PLAA: variants seen among roughly 807,000 people sequenced by gnomAD.
The protein encoded by PLAA is phospholipase A2 activating protein.
A neutral mutation model predicts 84.1 loss-of-function variants in PLAA; 48 were observed. The ratio of observed to expected loss-of-function variants is 0.57; its 90% CI spans 0.45 to 0.73. The LOEUF is 0.73. Among genes scored for constraint, PLAA ranks in the 30% least tolerant of loss-of-function variants. PLAA has a pLI of 0.00. For synonymous variants in PLAA, 392 were observed against 336.6 expected, an observed-to-expected ratio of 1.16 and a Z score of -1.80; for missense variants, 903 against 954.7, an observed-to-expected ratio of 0.95 and a Z score of 0.71.
chr9:26,906,438 T>C (rs1824239121), intron 13 of PLAA, among the ~76,000 whole-genome samples: 1 of 149,192 alleles, frequency 6.7e-6, no homozygotes, highest in African/African-American at 2.5e-5. Flanking sequence ...TTTTTTTTTT[T>C]TTTTTTTTGA....
chr9:26,911,113 C>A (rs10812495), intron 11 of PLAA, among the ~76,000 whole-genome samples: 10,918 of 151,754 alleles, frequency 0.072, 1,333 homozygotes, highest in East Asian at 0.6. Flanking sequence ...AAGTTTGTTA[C>A]ATAGGTAAAT....
At chr9:26,929,724 A>G (rs1825108291) in intron 2 of PLAA, among the ~76,000 whole-genome samples, 1 of 152,176 alleles carries the variant, frequency 6.6e-6, no homozygotes, top group Non-Finnish European at 1.5e-5. Flanking sequence ...TGCTCTGATT[A>G]TCCTATTCCT....
chr9:26,940,744 A>G (rs1825507174), intron 1 of PLAA, among the ~76,000 whole-genome samples: 1 of 152,230 alleles, frequency 6.6e-6, no homozygotes, highest in South Asian at 2.1e-4. Flanking sequence ...AGGAACTAAG[A>G]TAAGAAAGAC....
At chr9:26,906,730 A>C (rs573249531) in intron 13 of PLAA, among the ~76,000 whole-genome samples, 3 of 152,210 alleles carry the variant, frequency 2.0e-5, no homozygotes, top group Admixed American at 6.5e-5. Context: ...GCCCAGCCGG[A>C]AAGTTCTTAA....
chr9:26,939,563 T>C (rs1053916222), intron 1 of PLAA, among the ~76,000 whole-genome samples: 1 of 149,534 alleles, frequency 6.7e-6, no homozygotes, highest in Non-Finnish European at 1.5e-5. Flanking sequence ...GTGATTACTT[T>C]CAATGTAAAT....
intron 6 of PLAA, among the ~76,000 whole-genome samples, 167 bp downstream of exon 6, chr9:26,925,658 C>A (rs16910895): frequency 0.2 from 30,886 of 151,482 alleles, 3,684 homozygotes; most frequent in African/African-American, 0.33. Flanking sequence ...ATCATGCATC[C>A]CTTAGTATGA....
chr9:26,921,851 T>C (rs1824772142), intron 7 of PLAA, among the ~76,000 whole-genome samples: 1 of 152,246 alleles, frequency 6.6e-6, no homozygotes, highest in East Asian at 1.9e-4. Context: ...TTACCACTAG[T>C]ATCAATACAA....
chr9:26,934,682 G>A (rs761245059), intron 2 of PLAA, among the ~76,000 whole-genome samples: 8 of 151,804 alleles, frequency 5.3e-5, no homozygotes, highest in South Asian at 4.2e-4. Context: ...GTTTTGCAAT[G>A]TTTTCCAGGC....
At chr9:26,909,472 C>T (rs544043904) in intron 12 of PLAA, among the ~76,000 whole-genome samples, 1 of 151,986 alleles carries the variant, frequency 6.6e-6, no homozygotes, top group African/African-American at 2.4e-5. Context: ...TTATGTTAAC[C>T]CAATTAATTC....
At chr9:26,914,494 C>G (rs1181621400) in intron 10 of PLAA, among the ~76,000 whole-genome samples, 2 of 151,812 alleles carry the variant, frequency 1.3e-5, no homozygotes, top group Non-Finnish European at 2.9e-5. Context: ...AGCTACTGTT[C>G]TAGCCTCTCT....
chr9:26,917,296 G>A, intron 9 of PLAA, 131 bp from the exon 10 acceptor site: 2 of 656,080 alleles, frequency 3.0e-6, no homozygotes, highest in Non-Finnish European at 5.3e-6. Context: ...ATGATAGAAT[G>A]ACAGAAACTA....
intron 11 of PLAA, among the ~76,000 whole-genome samples, chr9:26,912,617 T>C (rs1182447514): frequency 6.6e-6 from 1 of 152,220 alleles, no homozygotes; most frequent in Non-Finnish European, 1.5e-5. Flanking sequence ...GAGGGAGCAC[T>C]GTTAACCTTT....
chr9:26,903,740 C>A lies in PLAA; in HGVS notation c.*1771G>T, dbSNP rs1333064391. 6.6e-6 allele frequency among the ~76,000 whole-genome samples: 1 copy of A among 152,070 alleles called. No individual in the cohort carries two copies. Among genetic ancestry groups the A allele is most frequent in the Non-Finnish European group, 1.5e-5 (1 of 67,992 alleles). On this transcript the variant is annotated 3_prime_UTR_variant, in exon 14 of 14. Coordinates refer to ENST00000397292, the MANE Select transcript of PLAA (RefSeq NM_001031689.3). ...GCTAAGCTATATTTTGTAATCTCCA[C>A]AACAAACATGAAATAGTAAAGTTGA...
Position 26,905,666 on chromosome 9 carries a change from G to T in PLAA, c.2233C>A (p.Leu745Ile). The change falls in exon 14 of 14, where the codon CTT becomes ATT. Residue 745 changes from leucine (L) to isoleucine (I), a missense_variant. Coordinates refer to ENST00000397292, the MANE Select transcript of PLAA (RefSeq NM_001031689.3). Reference protein sequence around the residue: ...VVQDLEATFRLLVALGTLISD... With the variant: ...VVQDLEATFRILVALGTLISD... ...ATAAGTGTTCCAAGAGCCACAAGAA[G>T]TCTAAAAGTGGCTTCTAGGTCTTGT... The T allele has an allele frequency of 6.2e-7, 1 of 1,614,174 alleles. No individual in the cohort carries two copies. The highest frequency in any genetic ancestry group is 1.1e-5 in the South Asian group (1 of 91,086).
intron 13 of PLAA, among the ~76,000 whole-genome samples, chr9:26,907,344 G>A (rs12376190): frequency 0.16 from 24,411 of 151,482 alleles, 2,064 homozygotes; most frequent in South Asian, 0.25. Flanking sequence ...CCTGGCTAAC[G>A]TGGTGAAACC....
chr9:26,923,775 T>G (rs1336988003), intron 6 of PLAA, among the ~76,000 whole-genome samples: 1 of 152,200 alleles, frequency 6.6e-6, no homozygotes, highest in Non-Finnish European at 1.5e-5. Context: ...ACTATGCCAG[T>G]AACTAGCAAT....
chr9:26,920,351 T>A lies in PLAA; in HGVS notation c.1073A>T (p.Asp358Val). The change falls in exon 8 of 14, where the codon GAT becomes GTT. Residue 358 changes from aspartate to valine, a missense_variant. Transcript: ENST00000397292. Reference protein sequence around the residue: ...TREGQTRLIRDGEKVEAYQWS... With the variant: ...TREGQTRLIRVGEKVEAYQWS... Reference sequence around the variant, plus strand: ...CTGATAGGCTTCGACTTTCTCCCCATCTCTGATTAGACGAGTCTGTCCTTC... The same window carrying A: ...CTGATAGGCTTCGACTTTCTCCCCAACTCTGATTAGACGAGTCTGTCCTTC... The A allele has an allele frequency of 6.2e-7, 1 of 1,613,330 alleles. No homozygotes were observed. Among genetic ancestry groups the A allele is most frequent in the Non-Finnish European group, 8.5e-7 (1 of 1,179,420 alleles).
At chr9:26,925,675 T>C in intron 6 of PLAA, 150 bp downstream of exon 6, 1 of 621,858 alleles carries the variant, frequency 1.6e-6, no homozygotes, top group Non-Finnish European at 2.8e-6. Flanking sequence ...ATGAAAGCTA[T>C]AATATCTACT....
intron 11 of PLAA, 21 bp from the exon 12 acceptor site, chr9:26,910,460 G>A (rs931884427): frequency 1.7e-5 from 26 of 1,552,252 alleles, no homozygotes; most frequent in Non-Finnish European, 2.3e-5. Flanking sequence ...AATAGAAGAT[G>A]ATGATAATCA....
Sources: allele counts gnomAD v4.1 joint callset (sites outside exome capture counted in the v4.1 genomes callset), GRCh38; gene constraint gnomAD v4.1.1; transcripts MANE v1.5; gene names NCBI Gene and HGNC (gene_info 2026-07-23, HGNC 2026-07-21).